The following CTNNA2 variants were observed in gnomAD, a reference collection of about 807,000 sequenced individuals.
CTNNA2 encodes catenin alpha-2.
CTNNA2 carries 42 observed loss-of-function variants against 101.0 expected under a neutral mutation model. The ratio of observed to expected loss-of-function variants is 0.42; its 90% confidence interval spans 0.32 to 0.54. CTNNA2 has a LOEUF of 0.54. Among genes scored for constraint, CTNNA2 ranks in the 20% least tolerant of loss-of-function variants. The pLI is 0.14. For synonymous variants in CTNNA2, 450 were observed against 456.4 expected (o/e 0.99, Z 0.18); for missense variants, 871 against 1,223.1 (o/e 0.71, Z 4.29).
intron 2 of CTNNA2, among the ~76,000 whole-genome samples, chr2:79,251,946 A>T (rs763521212): frequency 3.3e-5 from 5 of 152,238 alleles, no homozygotes; most frequent in Non-Finnish European, 7.3e-5. Context: ...AATATGGAAA[A>T]TATGATGGAA....
At chr2:79,720,579 A>G (rs1023787217) in intron 2 of CTNNA2, among the ~76,000 whole-genome samples, 1 of 152,050 alleles carries the variant, frequency 6.6e-6, no homozygotes, top group Admixed American at 6.6e-5. Context: ...GCAGTTTTGT[A>G]GTTCTTTTTG....
intron 9 of CTNNA2, among the ~76,000 whole-genome samples, chr2:80,471,997 A>T (rs1444220959): frequency 1.3e-5 from 2 of 152,090 alleles, no homozygotes; most frequent in African/African-American, 4.8e-5. Context: ...GTCATGGCAC[A>T]TGCCTGTAAT....
At chr2:80,544,092 C>T (rs1173289182) in intron 9 of CTNNA2, among the ~76,000 whole-genome samples, 1 of 152,112 alleles carries the variant, frequency 6.6e-6, no homozygotes, top group African/African-American at 2.4e-5. Flanking sequence ...AACAAGTTGA[C>T]CCCCTTGACC....
At position 80,581,416 on chromosome 2, in the gene CTNNA2, A is replaced by G. The variant is rs572077969; in HGVS notation, c.1894-290A>G. The stretch of plus-strand genomic sequence containing the variant: ...TCTTTCAATAGATTTGGATGGGTGG[A>G]AATAATACACAGATATCATTTTTCT... On this transcript the variant is annotated intron_variant, in intron 13 of 18. Coordinates refer to ENST00000402739, the MANE Select transcript of CTNNA2 (RefSeq NM_001282597.3). Among the ~76,000 whole-genome samples the G allele has an allele frequency of 7.7e-4, 117 of 152,282 alleles. 1 individual carries two copies. The highest frequency in any genetic ancestry group is 2.5e-3 in the African/African-American group (104 of 41,564).
At chr2:80,190,333 C>T (rs368597476) in intron 7 of CTNNA2, among the ~76,000 whole-genome samples, 10 of 152,118 alleles carry the variant, frequency 6.6e-5, no homozygotes, top group African/African-American at 2.2e-4. Flanking sequence ...ACCAGATAAC[C>T]GCATCGCTCA....
chr2:79,498,756 A>G (rs1281152298), intron 4 of CTNNA2, among the ~76,000 whole-genome samples: 1 of 152,208 alleles, frequency 6.6e-6, no homozygotes, highest in Non-Finnish European at 1.5e-5. Context: ...CACGTTGTAT[A>G]CTAATCTTGT....
chr2:79,845,172 CTTTTT>C (rs59627246), intron 3 of CTNNA2, among the ~76,000 whole-genome samples: 4 of 104,198 alleles, frequency 3.8e-5, no homozygotes, highest in Non-Finnish European at 5.6e-5. Flanking sequence ...AACACAGCTG[CTTTTT>C]TTTTTTTTTT....
chr2:80,644,061 C>A (rs931294961), intron 18 of CTNNA2, among the ~76,000 whole-genome samples: 5 of 152,236 alleles, frequency 3.3e-5, no homozygotes, highest in South Asian at 2.1e-4. Flanking sequence ...AAAAACAAGA[C>A]CTGAGAGATC....
intron 15 of CTNNA2, among the ~76,000 whole-genome samples, chr2:80,602,415 C>A (rs2149771035): frequency 6.6e-6 from 1 of 152,090 alleles, no homozygotes; most frequent in African/African-American, 2.4e-5. Context: ...TTCCAAGATC[C>A]TTTGAAATTC....
chr2:80,331,105 C>T lies in CTNNA2; in HGVS notation c.1057-62106C>T, dbSNP rs1671288098. Among the ~76,000 whole-genome samples, 5 of 151,258 alleles carry T rather than the reference C, an allele frequency of 3.3e-5. No individual in the cohort carries two copies. The South Asian group carries it at 1.0e-3, about 32-fold the overall frequency. ...AGTTTGTGAGAACAGTCCATTTCCA[C>T]GGGCCAGTGAATGGTGCAAAGAAGA... is the stretch of plus-strand genomic sequence containing the variant. On this transcript the variant is annotated intron_variant, in intron 7 of 18. Coordinates refer to ENST00000402739, the MANE Select transcript of CTNNA2 (RefSeq NM_001282597.3).
chr2:79,200,703 C>T (rs1251561852), intron 2 of CTNNA2, among the ~76,000 whole-genome samples: 1 of 151,974 alleles, frequency 6.6e-6, no homozygotes, highest in African/African-American at 2.4e-5. Flanking sequence ...AAGGCAAGGT[C>T]CCAGGAGAAA....
At chr2:80,105,711 G>A (rs1217887777) in intron 7 of CTNNA2, among the ~76,000 whole-genome samples, 1 of 151,924 alleles carries the variant, frequency 6.6e-6, no homozygotes, top group Non-Finnish European at 1.5e-5. Context: ...TCCACCTTGG[G>A]CAACAGAGGG....
chr2:80,469,150 GA>G (rs917553134), intron 9 of CTNNA2, among the ~76,000 whole-genome samples: 3 of 152,150 alleles, frequency 2.0e-5, no homozygotes, highest in Non-Finnish European at 4.4e-5. Flanking sequence ...TTACCTCTGA[GA>G]AAGTCCTTTC....
chr2:79,806,226 T>TA (rs1676562950), intron 3 of CTNNA2, among the ~76,000 whole-genome samples: 1 of 17,222 alleles, frequency 5.8e-5, no homozygotes, highest in Non-Finnish European at 1.0e-4. Context: ...GGAGTTTTAT[T>TA]TAAAAAAAAA....
intron 2 of CTNNA2, among the ~76,000 whole-genome samples, chr2:79,737,350 A>G (rs77050555): frequency 9.4e-6 from 1 of 106,614 alleles, no homozygotes; most frequent in Admixed American, 9.2e-5. Context: ...CTCCGTCTCA[A>G]AAAAAAAAAA....
chr2:79,486,588 C>A (rs182386102), intron 4 of CTNNA2, among the ~76,000 whole-genome samples: 1 of 151,948 alleles, frequency 6.6e-6, no homozygotes, highest in East Asian at 1.9e-4. Flanking sequence ...GGGTATATAC[C>A]CAGTAATGGG....
chr2:79,857,473 G>A (rs879580606), intron 3 of CTNNA2, among the ~76,000 whole-genome samples: 2 of 152,144 alleles, frequency 1.3e-5, no homozygotes, highest in Admixed American at 6.5e-5. Context: ...TCTTCTAAAT[G>A]TTTTCTATAT....
intron 7 of CTNNA2, among the ~76,000 whole-genome samples, chr2:80,206,455 T>G (rs2149027720): frequency 6.6e-6 from 1 of 152,346 alleles, no homozygotes; most frequent in South Asian, 2.1e-4. Flanking sequence ...TAAGATGCTA[T>G]CACATCACAT....
At chr2:79,613,897 T>C (rs986882450) in intron 1 of CTNNA2, among the ~76,000 whole-genome samples, 5 of 152,132 alleles carry the variant, frequency 3.3e-5, no homozygotes, top group Non-Finnish European at 7.3e-5. Flanking sequence ...GCCAATACTG[T>C]TGTTTGACTG....
Sources: gnomAD v4.1 joint callset for allele counts (sites outside exome capture counted in the v4.1 genomes callset) on GRCh38, gnomAD v4.1.1 for gene constraint, MANE v1.5 for transcripts, NCBI Gene and HGNC (gene_info 2026-07-23, HGNC 2026-07-21) for gene names.